ZNF521: variants seen among roughly 807,000 people sequenced by gnomAD.
The protein encoded by ZNF521 is zinc finger protein 521.
A neutral mutation model predicts 105.5 loss-of-function variants in ZNF521; 14 were observed. That is an observed-to-expected ratio of 0.13 (90% confidence interval 0.09 to 0.21). The LOEUF (loss-of-function observed/expected upper bound fraction) is 0.21, where lower values mean the gene tolerates loss of function less well. Ranked by LOEUF, ZNF521 falls within the 10% of genes least tolerant of loss-of-function variation. The pLI is 1.00. For missense variants in ZNF521, 1,233 were observed against 1,629.7 expected, an observed-to-expected ratio of 0.76 and a Z score of 4.19; for synonymous variants, 635 against 606.0, an observed-to-expected ratio of 1.05 and a Z score of -0.70.
intron 3 of ZNF521, among the ~76,000 whole-genome samples, chr18:25,259,553 C>T (rs1455517226): frequency 6.6e-6 from 1 of 152,032 alleles, no homozygotes; most frequent in Non-Finnish European, 1.5e-5. Context: ...AAGAAGAGAG[C>T]TGAAGGGAGT....
chr18:25,318,614 G>A (rs892489484), intron 3 of ZNF521, among the ~76,000 whole-genome samples: 3 of 152,088 alleles, frequency 2.0e-5, no homozygotes, highest in African/African-American at 7.2e-5. Flanking sequence ...GATAATGGAA[G>A]CCAGGTTTCT....
At chr18:25,130,303 TA>T (rs1359494080) in intron 5 of ZNF521, among the ~76,000 whole-genome samples, 1 of 151,882 alleles carries the variant, frequency 6.6e-6, no homozygotes, top group Non-Finnish European at 1.5e-5. Flanking sequence ...ATGGAGACAG[TA>T]AAAAAAATAT....
At chr18:25,080,989 G>A (rs540618327) in intron 7 of ZNF521, among the ~76,000 whole-genome samples, 2 of 152,348 alleles carry the variant, frequency 1.3e-5, no homozygotes, top group African/African-American at 4.8e-5. Flanking sequence ...TTACAAGACA[G>A]TCACACATGC....
chr18:25,065,585 T>C (rs1212783885), intron 7 of ZNF521, among the ~76,000 whole-genome samples: 2 of 151,992 alleles, frequency 1.3e-5, no homozygotes, highest in African/African-American at 2.4e-5. Flanking sequence ...TGTATTTACC[T>C]AAATGATAGG....
intron 3 of ZNF521, chr18:25,302,826 T>C (rs1911715825): frequency 6.6e-6 from 1 of 152,216 alleles, no homozygotes; most frequent in African/African-American, 2.4e-5. Flanking sequence ...GAAAAAGGTC[T>C]GCCCATATTG....
rs1175859497 is a variant in ZNF521 at position 25,179,116 on chromosome 18, C to CTTT, written c.3658+16041_3658+16043dup. 2.7e-3 allele frequency among the ~76,000 whole-genome samples: 142 copies of CTTT among 52,476 alleles called. 24 individuals carry two copies. The highest frequency in any genetic ancestry group is 3.7e-3 in the African/African-American group (50 of 13,546). 34.4% of individuals were successfully genotyped at this position (52,476 alleles called of 152,430 possible). A position where few individuals can be genotyped will look rare whatever the true frequency, so the allele number is the denominator to read the frequency against. On this transcript the variant is annotated intron_variant, in intron 5 of 7. Coordinates refer to ENST00000361524, the MANE Select transcript of ZNF521 (RefSeq NM_015461.3). Reference sequence around the variant, plus strand: ...GACTTATACTTCTTTTTCTTTATTCCTTTTTTTTTTTTTTTTTTTTTTTTT... The same window carrying CTTT: ...GACTTATACTTCTTTTTCTTTATTCCTTTTTTTTTTTTTTTTTTTTTTTTTTTT...
intron 5 of ZNF521, among the ~76,000 whole-genome samples, chr18:25,114,963 T>G (rs1350514914): frequency 6.6e-6 from 1 of 152,198 alleles, no homozygotes. Context: ...TAAATTCTTG[T>G]TTTATTTTTT....
chr18:25,209,559 T>C (rs969455617), intron 4 of ZNF521, among the ~76,000 whole-genome samples: 1 of 152,220 alleles, frequency 6.6e-6, no homozygotes, highest in East Asian at 1.9e-4. Context: ...TTTGGGCAAG[T>C]AATAGCCCTT....
intron 5 of ZNF521, 131 bp downstream of exon 5, chr18:25,195,027 TAA>T: frequency 4.4e-6 from 3 of 683,834 alleles, no homozygotes; most frequent in Non-Finnish European, 6.9e-6. Context: ...TAACAGAAAT[TAA>T]AAAAAAAATC....
At chr18:25,267,299 C>T (rs1012733678) in intron 3 of ZNF521, among the ~76,000 whole-genome samples, 1 of 152,190 alleles carries the variant, frequency 6.6e-6, no homozygotes, top group Non-Finnish European at 1.5e-5. Context: ...AGATAAAACC[C>T]CCATCTCCCT....
intron 4 of ZNF521, among the ~76,000 whole-genome samples, chr18:25,196,794 G>A (rs1428097088): frequency 6.6e-6 from 1 of 151,558 alleles, no homozygotes; most frequent in African/African-American, 2.4e-5. Flanking sequence ...TTTCCCTTTA[G>A]AACTAGTTAG....
rs67381140 is a variant in ZNF521 at position 25,273,220 on chromosome 18, CAAAAAA to C, written c.221-45529_221-45524del. Among the ~76,000 whole-genome samples, 57 of 40,892 alleles carry C rather than the reference CAAAAAA, an allele frequency of 1.4e-3. No homozygotes were observed. In the East Asian group the frequency reaches 0.023, roughly 17 times the overall value. 26.8% of individuals were successfully genotyped at this position (40,892 alleles called of 152,430 possible). A position where few individuals can be genotyped will look rare whatever the true frequency, so the allele number is the denominator to read the frequency against. Reference sequence around the variant, plus strand: ...CCCAAGAGGAGTGAAACCCTGTCTCCAAAAAAAAAAAAAAAAAAAAAAAAAAAAAAA... The same window carrying C: ...CCCAAGAGGAGTGAAACCCTGTCTCCAAAAAAAAAAAAAAAAAAAAAAAAA... On this transcript the variant is annotated intron_variant, in intron 3 of 7. Coordinates refer to ENST00000361524, the MANE Select transcript of ZNF521 (RefSeq NM_015461.3).
At chr18:25,177,857 G>A (rs2035560805) in intron 5 of ZNF521, among the ~76,000 whole-genome samples, 1 of 152,102 alleles carries the variant, frequency 6.6e-6, no homozygotes, top group African/African-American at 2.4e-5. Flanking sequence ...TCTTTTTACT[G>A]GCCATTGTTC....
intron 5 of ZNF521, among the ~76,000 whole-genome samples, chr18:25,187,734 A>G (rs1366372173): frequency 6.6e-6 from 1 of 152,218 alleles, no homozygotes. Context: ...CTCTGCTTAA[A>G]GACTGCATTT....
chr18:25,316,181 T>C (rs922326441), intron 3 of ZNF521, among the ~76,000 whole-genome samples: 2 of 151,120 alleles, frequency 1.3e-5, no homozygotes, highest in African/African-American at 4.9e-5. Context: ...AGCAGCAAGA[T>C]AAGACCATGG....
At chr18:25,338,259 TTGTG>T (rs34813730) in intron 2 of ZNF521, among the ~76,000 whole-genome samples, 2,041 of 136,574 alleles carry the variant, frequency 0.015, 43 homozygotes, top group African/African-American at 0.046. Context: ...TCATAGACTT[TTGTG>T]TGTGTGTGTG....
chr18:25,129,278 AT>A (rs2144386868), intron 5 of ZNF521, among the ~76,000 whole-genome samples: 2 of 146,134 alleles, frequency 1.4e-5, no homozygotes, highest in South Asian at 4.3e-4. Flanking sequence ...TATTATTATT[AT>A]TATTAATTAA....
chr18:25,219,562 G>A (rs918432341), intron 4 of ZNF521, among the ~76,000 whole-genome samples: 5 of 152,074 alleles, frequency 3.3e-5, no homozygotes, highest in African/African-American at 4.8e-5. Context: ...ATTAGCTCAC[G>A]CCTGTAATCC....
At chr18:25,177,622 A>C (rs2035556703) in intron 5 of ZNF521, among the ~76,000 whole-genome samples, 1 of 152,024 alleles carries the variant, frequency 6.6e-6, no homozygotes, top group South Asian at 2.1e-4. Context: ...GCTGCTAGTT[A>C]ATTGGACTGG....
Sources: gnomAD v4.1 joint callset for allele counts (sites outside exome capture counted in the v4.1 genomes callset) on GRCh38, gnomAD v4.1.1 for gene constraint, MANE v1.5 for transcripts, NCBI Gene and HGNC (gene_info 2026-07-23, HGNC 2026-07-21) for gene names.